MYO9A: variants seen among roughly 807,000 people sequenced by gnomAD.
The protein encoded by MYO9A is unconventional myosin-IXa.
Under a neutral mutation model 293.3 loss-of-function variants are expected in MYO9A, and 103 were observed. The observed-to-expected ratio is 0.35, with a 90% CI of 0.30 to 0.41. MYO9A has a LOEUF of 0.41. Among genes scored for constraint, MYO9A ranks in the 10% least tolerant of loss-of-function variants. The pLI, the probability that MYO9A is intolerant of heterozygous loss-of-function variation, is 1.00. For missense variants in MYO9A, 2,685 were observed against 3,033.0 expected (o/e 0.89, Z 2.69); for synonymous variants, 1,001 against 1,035.7 (o/e 0.97, Z 0.64).
In MYO9A at chr15:72,118,076, TCGCGCGCCCCCGACCCCGCG is replaced by T. The variant is rs2081071143; in HGVS notation, c.-488_-469del. 1.0e-5 allele frequency: 4 copies of T among 394,324 alleles called. No individual in the cohort carries two copies. The highest frequency in any genetic ancestry group is 1.8e-5 in the Non-Finnish European group (4 of 223,346). 24.4% of individuals were successfully genotyped at this position (394,324 alleles called of 1,614,324 possible). On this transcript the variant is annotated 5_prime_UTR_variant, in exon 1 of 42. Transcript: ENST00000356056. Reference sequence around the variant, plus strand: ...CCGCCGCGTCCCTTATCCGCTTCGGTCGCGCGCCCCCGACCCCGCGCACGCGGCCCCGCCCCGCGCGACTC... The same window carrying T: ...CCGCCGCGTCCCTTATCCGCTTCGGTCACGCGGCCCCGCCCCGCGCGACTC...
chr15:71,861,549 C>T (rs1388469062), intron 33 of MYO9A, among the ~76,000 whole-genome samples: 1 of 146,608 alleles, frequency 6.8e-6, no homozygotes, highest in Non-Finnish European at 1.5e-5. Context: ...GAAAAAGTAC[C>T]TTTTTGACTG....
chr15:71,929,610 C>T (rs1209652979), intron 18 of MYO9A, among the ~76,000 whole-genome samples: 2 of 152,160 alleles, frequency 1.3e-5, no homozygotes, highest in African/African-American at 2.4e-5. Flanking sequence ...ATATATTGAA[C>T]CATTCTTGTA....
intron 3 of MYO9A, among the ~76,000 whole-genome samples, 194 bp downstream of exon 3, chr15:72,032,300 G>A (rs1386010614): frequency 1.3e-5 from 2 of 152,152 alleles, no homozygotes; most frequent in African/African-American, 2.4e-5. Flanking sequence ...TAGGTTAAGA[G>A]TATGTGTGAC....
At position 71,862,929 on chromosome 15, in the gene MYO9A, C is replaced by CT. The variant is rs71131712; in HGVS notation, c.5980-319dup. Among the ~76,000 whole-genome samples the CT allele has an allele frequency of 0.029, 3,735 of 130,072 alleles. 158 individuals are homozygous for CT. The highest frequency in any genetic ancestry group is 0.095 in the African/African-American group (3,282 of 34,490). The allele number at this position is 130,072 out of a possible 152,430, so 85.3% of individuals were successfully genotyped here. On this transcript the variant is annotated intron_variant, in intron 32 of 41. Coordinates refer to ENST00000356056, the MANE Select transcript of MYO9A (RefSeq NM_006901.4). ...GTATGTTTTCTTTTTCTTTTTTTGG[C>CT]TTTTTTTTTTTTTTTTGAGACTTAG...
chr15:72,029,370 C>CTACA (rs2077790681), intron 3 of MYO9A, among the ~76,000 whole-genome samples: 1 of 152,174 alleles, frequency 6.6e-6, no homozygotes, highest in African/African-American at 2.4e-5. Flanking sequence ...GTATAGCCTA[C>CTACA]TACACACTTA....
intron 19 of MYO9A, among the ~76,000 whole-genome samples, chr15:71,912,476 G>A (rs1024121345): frequency 6.6e-5 from 10 of 152,064 alleles, no homozygotes; most frequent in East Asian, 1.9e-4. Flanking sequence ...GGCTGGTCTC[G>A]AACTCCTGAC....
intron 18 of MYO9A, among the ~76,000 whole-genome samples, chr15:71,919,098 A>C (rs2058087093): frequency 6.6e-6 from 1 of 152,208 alleles, no homozygotes; most frequent in South Asian, 2.1e-4. Context: ...TATCATCTAA[A>C]TTATTTTTTC....
intron 1 of MYO9A, among the ~76,000 whole-genome samples, chr15:72,064,602 G>C (rs562968382): frequency 2.0e-5 from 3 of 152,128 alleles, no homozygotes; most frequent in Non-Finnish European, 4.4e-5. Context: ...AACTCATACT[G>C]AACATTTATG....
chr15:71,937,479 T>C (rs2058671831), intron 16 of MYO9A, among the ~76,000 whole-genome samples: 1 of 152,144 alleles, frequency 6.6e-6, no homozygotes, highest in Non-Finnish European at 1.5e-5. Context: ...CTCAGATGAT[T>C]GTTATTTTTT....
chr15:72,035,446 AAAC>A (rs573512101), intron 2 of MYO9A, among the ~76,000 whole-genome samples: 74 of 152,322 alleles, frequency 4.9e-4, no homozygotes, highest in South Asian at 4.1e-3. Flanking sequence ...CAAGCAAAAT[AAAC>A]AACTGCCGTA....
intron 11 of MYO9A, among the ~76,000 whole-genome samples, chr15:71,988,120 A>G (rs1002454774): frequency 2.6e-5 from 4 of 152,186 alleles, no homozygotes; most frequent in Admixed American, 2.6e-4. Flanking sequence ...AATTTAACCA[A>G]TGTTCTGTTT....
intron 1 of MYO9A, among the ~76,000 whole-genome samples, chr15:72,058,686 A>T (rs1456202942): frequency 1.3e-5 from 2 of 152,334 alleles, no homozygotes; most frequent in South Asian, 4.1e-4. Context: ...CTTCAAAAGT[A>T]TATGCTAACA....
At chr15:71,880,182 C>G (rs978615434) in intron 29 of MYO9A, among the ~76,000 whole-genome samples, 153 bp downstream of exon 29, 1 of 152,220 alleles carries the variant, frequency 6.6e-6, no homozygotes, top group Non-Finnish European at 1.5e-5. Flanking sequence ...CTAACTAATG[C>G]ATATCCTATT....
At chr15:71,941,660 C>T (rs1208477988) in intron 15 of MYO9A, among the ~76,000 whole-genome samples, 1 of 151,694 alleles carries the variant, frequency 6.6e-6, no homozygotes, top group Non-Finnish European at 1.5e-5. Flanking sequence ...AATGAAAGTC[C>T]AAAAGGTACA....
At chr15:71,853,633 ACT>A (rs1296836110) in intron 35 of MYO9A, among the ~76,000 whole-genome samples, 2 of 152,190 alleles carry the variant, frequency 1.3e-5, no homozygotes, top group South Asian at 4.1e-4. Context: ...GACATGCTTT[ACT>A]CTGTTTAGTT....
At chr15:71,947,537 A>G (rs986037016) in intron 15 of MYO9A, among the ~76,000 whole-genome samples, 2 of 152,140 alleles carry the variant, frequency 1.3e-5, no homozygotes, top group Admixed American at 1.3e-4. Context: ...AATTTTTTCA[A>G]CTCATTAGTT....
At chr15:71,939,436 T>C (rs1400680661) in intron 15 of MYO9A, among the ~76,000 whole-genome samples, 1 of 152,218 alleles carries the variant, frequency 6.6e-6, no homozygotes, top group Non-Finnish European at 1.5e-5. Flanking sequence ...CTCCCACTTA[T>C]AAGTGAGAAT....
At chr15:72,001,011 T>C (rs1338744736) in intron 8 of MYO9A, among the ~76,000 whole-genome samples, 1 of 152,192 alleles carries the variant, frequency 6.6e-6, no homozygotes, top group Non-Finnish European at 1.5e-5. Context: ...AGCATACATA[T>C]TTTCAGCTTT....
intron 8 of MYO9A, among the ~76,000 whole-genome samples, chr15:72,006,390 C>G (rs2077018480): frequency 6.6e-6 from 1 of 152,058 alleles, no homozygotes; most frequent in Non-Finnish European, 1.5e-5. Context: ...CATGAGCCGC[C>G]AGACATAAAT....
Sources: gnomAD v4.1 joint callset for allele counts (sites outside exome capture counted in the v4.1 genomes callset) on GRCh38, gnomAD v4.1.1 for gene constraint, MANE v1.5 for transcripts, NCBI Gene and HGNC (gene_info 2026-07-23, HGNC 2026-07-21) for gene names.